Variants in CEP72 observed in about 807,000 individuals in gnomAD.
CEP72 encodes centrosomal protein of 72 kDa.
A neutral mutation model predicts 65.7 loss-of-function variants in CEP72; 78 were observed. That is an observed-to-expected ratio of 1.19 (90% CI 0.99 to 1.43). The LOEUF is 1.43. Ranked by LOEUF, CEP72 falls within the 40% of genes most tolerant of loss-of-function variation. The pLI is 0.00. For missense variants in CEP72, 914 were observed against 832.9 expected (o/e 1.10, Z -1.20); for synonymous variants, 358 against 351.7 (o/e 1.02, Z -0.20).
intron 4 of CEP72, among the ~76,000 whole-genome samples, chr5:666,648 G>A (rs1214098786): frequency 6.6e-6 from 1 of 152,360 alleles, no homozygotes; most frequent in South Asian, 2.1e-4. Context: ...GCCCCGCTGT[G>A]CCCTTGCACT....
intron 1 of CEP72, among the ~76,000 whole-genome samples, chr5:618,605 C>CG (rs1454310613): frequency 1.3e-5 from 2 of 150,988 alleles, no homozygotes; most frequent in South Asian, 2.1e-4. Context: ...CAGCAGGGGC[C>CG]GGGGGGAGTT....
At chr5:632,658 A>C (rs1291206378) in intron 4 of CEP72, among the ~76,000 whole-genome samples, 10 of 13,110 alleles carry the variant, frequency 7.6e-4, no homozygotes, top group African/African-American at 1.8e-3. Context: ...CGGGATTTAG[A>C]CCAGTCCTGG....
chr5:641,151 C>T, intron 9 of CEP72: 2 of 984,890 alleles, frequency 2.0e-6, no homozygotes. Context: ...TCATCTGAGG[C>T]CTCATGGGGG....
chr5:673,959 G>A, the CEP72 span, among the ~76,000 whole-genome samples: 15 of 152,246 alleles, frequency 9.9e-5, no homozygotes, highest in East Asian at 9.6e-4. Context: ...GTGCACATGC[G>A]GCCATGTGCA....
chr5:648,550 TGACTGTGAGGTGTG>T (rs1738599085), intron 11 of CEP72, among the ~76,000 whole-genome samples: 4 of 85,206 alleles, frequency 4.7e-5, no homozygotes, highest in Admixed American at 2.2e-4. Flanking sequence ...CTGTGAGGTG[TGACTGTGAGGTGTG>T]GACTGTGAGG....
At chr5:639,286 T>A in intron 8 of CEP72, 62 bp downstream of exon 8, 2 of 1,504,268 alleles carry the variant, frequency 1.3e-6, no homozygotes, top group Middle Eastern at 1.9e-4. Context: ...TCCGGGGTCC[T>A]CTGCGTGTGG....
intron 9 of CEP72, chr5:643,770 G>C (rs914948950): frequency 4.4e-5 from 24 of 543,684 alleles, no homozygotes; most frequent in Non-Finnish European, 5.4e-5. Flanking sequence ...AGAGGCTGCC[G>C]TGTAGCTGCA....
chr5:629,566 T>C (rs71597655), intron 4 of CEP72, among the ~76,000 whole-genome samples: 65 of 109,544 alleles, frequency 5.9e-4, no homozygotes, highest in Middle Eastern at 5.0e-3. Flanking sequence ...TTCTGTCCAG[T>C]GCCGGGATTT....
At chr5:647,381 G>A (rs1170374130) in intron 10 of CEP72, among the ~76,000 whole-genome samples, 2 of 152,262 alleles carry the variant, frequency 1.3e-5, no homozygotes, top group Non-Finnish European at 2.9e-5. Flanking sequence ...AGAGTCAGAG[G>A]GCACTTTGGA....
chr5:652,308 T>A (rs1739162113), intron 11 of CEP72, among the ~76,000 whole-genome samples: 1 of 152,192 alleles, frequency 6.6e-6, no homozygotes, highest in Non-Finnish European at 1.5e-5. Context: ...TCCTTTGCTG[T>A]CCAAGTGAAC....
intron 1 of CEP72, among the ~76,000 whole-genome samples, chr5:612,932 T>C (rs2126719988): frequency 6.6e-6 from 1 of 152,360 alleles, no homozygotes; most frequent in South Asian, 2.1e-4. Context: ...TGTTGCCTTC[T>C]CTTATATTTA....
intron 4 of CEP72, among the ~76,000 whole-genome samples, chr5:629,531 G>A (rs561184882): frequency 6.7e-5 from 8 of 119,602 alleles, no homozygotes; most frequent in African/African-American, 2.8e-4. Context: ...GTCCAGTGCC[G>A]GGATTTGGAC....
downstream of CEP72, among the ~76,000 whole-genome samples, chr5:656,273 C>A (rs1015175917): frequency 1.3e-5 from 2 of 152,162 alleles, no homozygotes; most frequent in Admixed American, 6.5e-5. Context: ...GTTAGGATGT[C>A]TTGGCTGTTT....
intron 4 of CEP72, among the ~76,000 whole-genome samples, chr5:633,408 T>A (rs1176611774): frequency 7.0e-6 from 1 of 143,712 alleles, no homozygotes; most frequent in Non-Finnish European, 1.5e-5. Flanking sequence ...CCAGTCCTGG[T>A]GGGGTGCTGT....
At chr5:659,245 G>A (rs1199333446), downstream of CEP72, among the ~76,000 whole-genome samples, 4 of 152,272 alleles carry the variant, frequency 2.6e-5, no homozygotes, top group African/African-American at 2.4e-5. Context: ...CTGCTCACCT[G>A]TGGGGGTTCC....
At chr5:647,784 T>C in intron 10 of CEP72, 21 bp from the exon 11 acceptor site, 1 of 1,551,256 alleles carries the variant, frequency 6.4e-7, no homozygotes, top group Non-Finnish European at 8.8e-7. Flanking sequence ...AATGGTACTT[T>C]TTTTTTTCTT....
At position 637,867 on chromosome 5, in the gene CEP72, T is replaced by C. The variant is rs910982276; in HGVS notation, c.1206+49T>C. The C allele has an allele frequency of 5.5e-6, 8 of 1,452,120 alleles. No individual in the cohort carries two copies. The African/African-American group carries it at 1.0e-4, about 18-fold the overall frequency. 90.0% of individuals were successfully genotyped at this position (1,452,120 alleles called of 1,614,324 possible). ...CAGGCCCACGGCACTGCCTCCCTAA[T>C]GTGGGGCTGTTACGGCTTTGGCGGG... On this transcript the variant is annotated intron_variant, in intron 7 of 11. Transcript: ENST00000264935.
At chr5:657,226 A>C (rs1440714471), downstream of CEP72, 1 of 152,186 alleles carries the variant, frequency 6.6e-6, no homozygotes, top group Non-Finnish European at 1.5e-5. Context: ...ACAATGGGGA[A>C]ATAGTGGCTT....
At chr5:676,593 C>T in the CEP72 span, 1 of 152,248 alleles carries the variant, frequency 6.6e-6, no homozygotes, top group Admixed American at 6.5e-5. Flanking sequence ...CGAAATAAAG[C>T]CATTGCCACA....
Sources: allele counts gnomAD v4.1 joint callset (sites outside exome capture counted in the v4.1 genomes callset), GRCh38; gene constraint gnomAD v4.1.1; transcripts MANE v1.5; gene names NCBI Gene and HGNC (gene_info 2026-07-23, HGNC 2026-07-21).